DDX23: variants seen among roughly 807,000 people sequenced by gnomAD.
The protein encoded by DDX23 is DEAD-box helicase 23, also known as probable ATP-dependent RNA helicase DDX23.
DDX23 carries 33 observed loss-of-function variants against 102.7 expected under a neutral mutation model. The ratio of observed to expected loss-of-function variants is 0.32; its 90% confidence interval spans 0.24 to 0.43. The LOEUF (loss-of-function observed/expected upper bound fraction) is 0.43. Ranked by LOEUF, DDX23 falls within the 20% of genes least tolerant of loss-of-function variation. DDX23 has a pLI of 1.00. For synonymous variants in DDX23, 352 were observed against 376.0 expected (o/e 0.94, Z 0.74); for missense variants, 549 against 1,086.6 (o/e 0.51, Z 6.96).
At chr12:48,847,132 T>A (rs1465657164) in intron 1 of DDX23, 3 of 152,188 alleles carry the variant, frequency 2.0e-5, no homozygotes, top group Non-Finnish European at 4.4e-5. Context: ...AGAAGCACTT[T>A]CAAAAGGTGA....
At chr12:48,847,685 C>T (rs1938691040) in intron 1 of DDX23, among the ~76,000 whole-genome samples, 1 of 151,864 alleles carries the variant, frequency 6.6e-6, no homozygotes, top group South Asian at 2.1e-4. Context: ...AAAAATTAGC[C>T]ACGCATGGTG....
At chr12:48,844,924 G>GGGTGGATCACCTGAGGTC in intron 2 of DDX23, among the ~76,000 whole-genome samples, 1 of 148,982 alleles carries the variant, frequency 6.7e-6, no homozygotes, top group East Asian at 2.1e-4. Context: ...AAGCTGAGGT[G>GGGTGGATCACCTGAGGTC]GGTGGATCAC....
chr12:48,850,847 C>A (rs1465375180), intron 1 of DDX23, among the ~76,000 whole-genome samples: 1 of 152,152 alleles, frequency 6.6e-6, no homozygotes, highest in Non-Finnish European at 1.5e-5. Context: ...TTGACAAGAG[C>A]TGTTTCAGTT....
rs576977629 is a variant in DDX23 at position 48,832,577 on chromosome 12, C to T, written c.1804-4G>A. Reference sequence around the variant, plus strand: ...TGGTGGCCGTGAACATGACTGTCTACGAAAACAGGAGGCTCAGCCCTGCAC... The same window carrying T: ...TGGTGGCCGTGAACATGACTGTCTATGAAAACAGGAGGCTCAGCCCTGCAC... On this transcript the variant is annotated splice_region_variant and splice_polypyrimidine_tract_variant and intron_variant, in intron 13 of 16. Coordinates refer to ENST00000308025, the MANE Select transcript of DDX23 (RefSeq NM_004818.3). The surrounding 1 kb of genome is among the most constrained non-coding windows in gnomAD (Gnocchi z 4.4). The T allele has an allele frequency of 1.1e-4, 174 of 1,613,412 alleles. 2 individuals are homozygous for T. The South Asian group carries it at 1.6e-3, about 15-fold the overall frequency.
intron 3 of DDX23, among the ~76,000 whole-genome samples, chr12:48,840,714 G>A (rs1036557641): frequency 6.6e-6 from 1 of 151,660 alleles, no homozygotes. Context: ...TGCCACCACT[G>A]GCTAATTTTT....
chr12:48,849,103 G>A (rs1485536397), intron 1 of DDX23, among the ~76,000 whole-genome samples: 1 of 151,836 alleles, frequency 6.6e-6, no homozygotes, highest in Non-Finnish European at 1.5e-5. Context: ...TGTTGCCCAG[G>A]CTAGTCTTGA....
chr12:48,838,906 C>T (rs751845074), intron 5 of DDX23, among the ~76,000 whole-genome samples: 1 of 152,096 alleles, frequency 6.6e-6, no homozygotes, highest in African/African-American at 2.4e-5. Context: ...GACAGACTCT[C>T]GCTCTGTTGC....
chr12:48,837,719 G>C (rs149871594), intron 6 of DDX23, 62 bp from the exon 7 acceptor site: 1 of 1,599,350 alleles, frequency 6.3e-7, no homozygotes, highest in Non-Finnish European at 8.5e-7. Flanking sequence ...AGAGGGAATG[G>C]AGGGAATCCA....
Position 48,830,309 on chromosome 12 carries a change from G to T in DDX23, c.*160C>A. On this transcript the variant is annotated 3_prime_UTR_variant, in exon 17 of 17. Coordinates refer to ENST00000308025, the MANE Select transcript of DDX23 (RefSeq NM_004818.3). This position sits in a 1 kb window ranked among gnomAD's most constrained non-coding sequence, Gnocchi z 4.9. ...GTCCTCTCCTTTTGCAGCCCCACAC[G>T]CAGGCCTCCTGACCTGAGGGTCTGG... is the stretch of plus-strand genomic sequence containing the variant. The T allele has an allele frequency of 1.1e-6, 1 of 877,676 alleles. No individual in the cohort carries two copies. Among genetic ancestry groups the T allele is most frequent in the Non-Finnish European group, 1.9e-6 (1 of 540,074 alleles). The allele number at this position is 877,676 out of a possible 1,614,324, so 54.4% of individuals were successfully genotyped here.
At chr12:48,843,346 T>G (rs1288343255) in intron 3 of DDX23, among the ~76,000 whole-genome samples, 1 of 150,606 alleles carries the variant, frequency 6.6e-6, no homozygotes, top group African/African-American at 2.4e-5. Flanking sequence ...ATGCCTGTAG[T>G]CCAGCTACTC....
Position 48,833,519 on chromosome 12 carries a change from T to C in DDX23, c.1561A>G (p.Ile521Val). Residue 521 changes from isoleucine (I) to valine (V), a missense_variant and splice_region_variant, in exon 13 of 17, where the codon ATT (isoleucine) becomes GTT (valine). Transcript: ENST00000308025. Reference sequence around the variant, plus strand: ...AAACGCCCAGGGGTAGCAATCACAATCTGAGGAGTACAGTATAATCATTTA... The same window carrying C: ...AAACGCCCAGGGGTAGCAATCACAACCTGAGGAGTACAGTATAATCATTTA... ...QGFRLRMGCE[I>V]VIATPGRLID... The C allele has an allele frequency of 6.2e-7, 1 of 1,613,858 alleles. No homozygotes were observed. Among genetic ancestry groups the C allele is most frequent in the Non-Finnish European group, 8.5e-7 (1 of 1,180,030 alleles).
intron 12 of DDX23, among the ~76,000 whole-genome samples, chr12:48,834,033 C>T (rs910303488): frequency 1.3e-5 from 2 of 152,176 alleles, no homozygotes; most frequent in South Asian, 2.1e-4. Context: ...TCAGCTCTGC[C>T]CATTGCCAGC....
intron 3 of DDX23, 125 bp downstream of exon 3, chr12:48,843,815 T>C: frequency 2.0e-6 from 2 of 980,128 alleles, no homozygotes; most frequent in South Asian, 1.5e-5. Context: ...CCCAAAGTGC[T>C]GGGATTACAG....
chr12:48,837,205 C>T, intron 8 of DDX23, 76 bp downstream of exon 8: 1 of 1,560,606 alleles, frequency 6.4e-7, no homozygotes, highest in South Asian at 1.1e-5. Flanking sequence ...ATCTTACTTC[C>T]TCCACCTCCG....
chr12:48,839,522 G>A (rs999380310), intron 5 of DDX23: 2 of 182,318 alleles, frequency 1.1e-5, no homozygotes, highest in East Asian at 1.3e-4. Context: ...TCATGCCACT[G>A]TACTCCATCC....
intron 1 of DDX23, among the ~76,000 whole-genome samples, chr12:48,847,581 G>C (rs1248734310): frequency 2.0e-5 from 3 of 151,834 alleles, no homozygotes; most frequent in Non-Finnish European, 4.4e-5. Context: ...TGTAATCTCA[G>C]CACTTTGGGA....
Position 48,838,034 on chromosome 12 carries a change from C to T in DDX23, c.527G>A (p.Arg176Gln), listed in dbSNP as rs1428056789. 3.1e-6 allele frequency: 5 copies of T among 1,614,216 alleles called. No individual in the cohort carries two copies. Among genetic ancestry groups the T allele is most frequent in the Non-Finnish European group, 3.4e-6 (4 of 1,180,046 alleles). ...CCGCTCTTCCACCTCCTGCTGCCGT[C>T]GCTTTAGAGCTTCAGCCTCTCGTTC... Reference protein sequence around the residue: ...KAEREAEALKRRQQEVEERQR... With the variant: ...KAEREAEALKQRQQEVEERQR... Residue 176 changes from arginine to glutamine, a missense_variant, in exon 6 of 17, where the codon CGA becomes CAA. Physicochemically the swap from Arg to Gln is conservative, Grantham distance 43. Transcript: ENST00000308025.
At chr12:48,842,410 G>GC (rs1938576952) in intron 3 of DDX23, among the ~76,000 whole-genome samples, 1 of 135,004 alleles carries the variant, frequency 7.4e-6, no homozygotes, top group Admixed American at 7.3e-5. Context: ...GGGGAGGTCA[G>GC]CCCCCCGCCC....
intron 1 of DDX23, chr12:48,847,169 C>T (rs1938681930): frequency 6.6e-6 from 1 of 152,154 alleles, no homozygotes; most frequent in Admixed American, 6.5e-5. Flanking sequence ...CTCACAATCA[C>T]CTGAGAAATG....
Sources: gnomAD v4.1 joint callset for allele counts (sites outside exome capture counted in the v4.1 genomes callset) on GRCh38, gnomAD v4.1.1 for gene constraint, Gnocchi (gnomAD v3.1) non-coding constraint, MANE v1.5 for transcripts, NCBI Gene and HGNC (gene_info 2026-07-23, HGNC 2026-07-21) for gene names.